PALM2AKAP2: variants seen among roughly 807,000 people sequenced by gnomAD.
PALM2AKAP2 encodes PALM2 and AKAP2 fusion.
Under a neutral mutation model 71.5 loss-of-function variants are expected in PALM2AKAP2, and 37 were observed. The observed-to-expected ratio is 0.52, with a 90% CI of 0.40 to 0.68. PALM2AKAP2 has a LOEUF of 0.68. PALM2AKAP2 is among the 30% of genes least tolerant of loss of function. The probability of loss-of-function intolerance (pLI) is 0.00; values close to 1 mark genes in which losing one functional copy is unlikely to be tolerated. For synonymous variants in PALM2AKAP2, 468 were observed against 478.8 expected (o/e 0.98, Z 0.29); for missense variants, 1,224 against 1,191.8 (o/e 1.03, Z -0.40).
At chr9:110,048,496 A>G (rs1833639739), upstream of PALM2AKAP2, 1 of 539,754 alleles carries the variant, frequency 1.9e-6, no homozygotes, top group South Asian at 2.3e-5. Flanking sequence ...GCATTCATTC[A>G]TTTCTTCGTT....
chr9:110,064,945 G>A (rs1834045291), intron 1 of PALM2AKAP2, among the ~76,000 whole-genome samples: 1 of 152,182 alleles, frequency 6.6e-6, no homozygotes, highest in Non-Finnish European at 1.5e-5. Flanking sequence ...GGAGTTTGAT[G>A]TTTCCTCTTG....
In PALM2AKAP2 at chr9:109,932,023, C is replaced by T. The variant is rs370773077; in HGVS notation, c.491C>T (p.Ala164Val). The T allele has an allele frequency of 3.6e-5, 58 of 1,612,174 alleles. No homozygotes were observed. The Middle Eastern group carries it at 2.0e-3, about 55-fold the overall frequency. ...CCTGGGCAGGACGGGACCAGCAGAG[C>T]GGCTGGTAAGTCCTGGGGACCTTTG... is the stretch of plus-strand genomic sequence containing the variant. Residue 164 changes from alanine to valine, a missense_variant, in exon 6 of 10, where the codon GCG becomes GTG. Coordinates refer to the PALM2AKAP2 transcript ENST00000302798.
intron 1 of PALM2AKAP2, among the ~76,000 whole-genome samples, chr9:109,652,238 G>A (rs1030040100): frequency 1.3e-5 from 2 of 152,202 alleles, no homozygotes; most frequent in Admixed American, 1.3e-4. Context: ...ATGTTGAAAT[G>A]TGATCCCCAG....
chr9:109,726,906 C>A (rs1353971666), intron 1 of PALM2AKAP2, among the ~76,000 whole-genome samples: 1 of 152,172 alleles, frequency 6.6e-6, no homozygotes, highest in Admixed American at 6.5e-5. Context: ...GGGTACCAAA[C>A]CGGACAGTGA....
At chr9:110,056,745 C>G (rs1439642764) in intron 1 of PALM2AKAP2, among the ~76,000 whole-genome samples, 3 of 152,084 alleles carry the variant, frequency 2.0e-5, no homozygotes, top group African/African-American at 7.2e-5. Flanking sequence ...ATCATTTTTC[C>G]TTCAAAGAAT....
At chr9:109,660,032 C>T (rs1827366822) in intron 1 of PALM2AKAP2, among the ~76,000 whole-genome samples, 1 of 151,982 alleles carries the variant, frequency 6.6e-6, no homozygotes, top group South Asian at 2.1e-4. Flanking sequence ...GGTGGTCTCG[C>T]CATGTTGCCC....
At chr9:109,770,191 C>G (rs372027112) in intron 1 of PALM2AKAP2, among the ~76,000 whole-genome samples, 1 of 143,312 alleles carries the variant, frequency 7.0e-6, no homozygotes, top group Non-Finnish European at 1.5e-5. Flanking sequence ...CCAAAAGGAG[C>G]TTCTGGGTCT....
At chr9:110,100,234 T>G (rs540246338) in intron 1 of PALM2AKAP2, among the ~76,000 whole-genome samples, 2 of 152,046 alleles carry the variant, frequency 1.3e-5, no homozygotes, top group East Asian at 3.9e-4. Flanking sequence ...ATTATTGGGC[T>G]TAGGAAAAGG....
intron 1 of PALM2AKAP2, among the ~76,000 whole-genome samples, chr9:110,072,345 G>A (rs1834224148): frequency 6.6e-6 from 1 of 152,150 alleles, no homozygotes; most frequent in Admixed American, 6.5e-5. Context: ...GGGTGGCAAG[G>A]GGCCCATCAG....
At chr9:110,143,779 G>T (rs150609691) in intron 2 of PALM2AKAP2, among the ~76,000 whole-genome samples, 104 of 152,262 alleles carry the variant, frequency 6.8e-4, no homozygotes, top group African/African-American at 2.3e-3. Flanking sequence ...CATTCACCCC[G>T]TGAGACCTAC....
chr9:109,928,726 C>T (rs62580179), intron 5 of PALM2AKAP2, among the ~76,000 whole-genome samples: 2,176 of 150,726 alleles, frequency 0.014, 17 homozygotes, highest in Non-Finnish European at 0.024. Flanking sequence ...GGCTGGAGTG[C>T]AGTGGCGTGG....
intron 1 of PALM2AKAP2, among the ~76,000 whole-genome samples, chr9:109,812,678 A>G (rs538670261): frequency 6.6e-6 from 1 of 152,324 alleles, no homozygotes; most frequent in African/African-American, 2.4e-5. Flanking sequence ...GGACAGTGCA[A>G]ATGGAAACCA....
intron 1 of PALM2AKAP2, among the ~76,000 whole-genome samples, chr9:109,670,990 T>G (rs1827564071): frequency 6.6e-6 from 1 of 152,220 alleles, no homozygotes. Context: ...CTTGCAAATT[T>G]GTTTAAGTTC....
At chr9:110,152,910 G>T (rs1443344947) in intron 2 of PALM2AKAP2, among the ~76,000 whole-genome samples, 3 of 152,198 alleles carry the variant, frequency 2.0e-5, no homozygotes, top group African/African-American at 7.2e-5. Flanking sequence ...TGACCAGAAT[G>T]ATGGCCGGAA....
chr9:109,939,944 G>A (rs1831321416), intron 6 of PALM2AKAP2, among the ~76,000 whole-genome samples: 2 of 152,148 alleles, frequency 1.3e-5, no homozygotes, highest in Admixed American at 6.5e-5. Flanking sequence ...GTGTTAACCA[G>A]GAACAGAGTG....
chr9:110,057,390 T>TG (rs1316052701), intron 1 of PALM2AKAP2, among the ~76,000 whole-genome samples: 865 of 73,868 alleles, frequency 0.012, 7 homozygotes, highest in Non-Finnish European at 0.016. Context: ...TGTTTTTTTG[T>TG]TTTTTTTTTT....
chr9:110,092,101 G>A (rs1165565966), intron 1 of PALM2AKAP2, among the ~76,000 whole-genome samples: 2 of 152,170 alleles, frequency 1.3e-5, no homozygotes, highest in African/African-American at 4.8e-5. Context: ...TGAAGCCGAG[G>A]CGGGAGGACC....
intron 1 of PALM2AKAP2, among the ~76,000 whole-genome samples, chr9:109,663,809 T>C (rs1259430946): frequency 6.6e-6 from 1 of 152,142 alleles, no homozygotes; most frequent in Non-Finnish European, 1.5e-5. Flanking sequence ...CCATTATTAT[T>C]GTGTGGGAGT....
intron 3 of PALM2AKAP2, among the ~76,000 whole-genome samples, chr9:109,899,795 G>A (rs533864343): frequency 1.3e-5 from 2 of 152,228 alleles, no homozygotes; most frequent in South Asian, 2.1e-4. Flanking sequence ...TGCTCTTTAT[G>A]TGGTTAACTC....
Sources: allele counts gnomAD v4.1 joint callset (sites outside exome capture counted in the v4.1 genomes callset), GRCh38; gene constraint gnomAD v4.1.1; transcripts MANE v1.5; gene names NCBI Gene and HGNC (gene_info 2026-07-23, HGNC 2026-07-21).